Variants in GPBP1 observed in about 807,000 individuals in gnomAD.
The protein encoded by GPBP1 is GC-rich promoter binding protein 1, also known as vasculin.
GPBP1 carries 13 observed loss-of-function variants against 56.5 expected under a neutral mutation model. The observed-to-expected ratio is 0.23, with a 90% CI of 0.15 to 0.37. The LOEUF (loss-of-function observed/expected upper bound fraction) is 0.37. Among genes scored for constraint, GPBP1 ranks in the 10% least tolerant of loss-of-function variants. The probability of loss-of-function intolerance (pLI) is 1.00; values close to 1 mark genes in which losing one functional copy is unlikely to be tolerated. For missense variants in GPBP1, 477 were observed against 572.3 expected (o/e 0.83, Z 1.70); for synonymous variants, 204 against 188.9 (o/e 1.08, Z -0.66).
chr5:57,263,633 A>G lies in GPBP1; in HGVS notation c.*881A>G, dbSNP rs1281379526. On this transcript the variant is annotated 3_prime_UTR_variant, in exon 12 of 12. Transcript: ENST00000506184. ...CAAGGTATTGTTTCTAAACATAAAC[A>G]TACTCTAAACATGCTTTATTCACTT... The G allele has an allele frequency of 2.6e-5, 4 of 152,210 alleles. No homozygotes were observed. The highest frequency in any genetic ancestry group is 2.9e-5 in the Non-Finnish European group (2 of 68,024). 9.4% of individuals were successfully genotyped at this position (152,210 alleles called of 1,614,324 possible).
intron 3 of GPBP1, among the ~76,000 whole-genome samples, chr5:57,220,742 G>C (rs537170546): frequency 3.3e-5 from 5 of 152,106 alleles, no homozygotes; most frequent in African/African-American, 7.2e-5. Flanking sequence ...TTACAGGCAC[G>C]AGCCACTGCA....
intron 2 of GPBP1, among the ~76,000 whole-genome samples, chr5:57,213,471 CTTT>C (rs138933215): frequency 6.9e-6 from 1 of 144,880 alleles, no homozygotes; most frequent in Non-Finnish European, 1.5e-5. Context: ...TCATAATTTT[CTTT>C]TTTTTTTTTT....
intron 2 of GPBP1, among the ~76,000 whole-genome samples, chr5:57,188,222 C>T (rs141072988): frequency 0.016 from 2,319 of 146,374 alleles, 137 homozygotes; most frequent in East Asian, 0.097. Context: ...CTAGGCTGGG[C>T]GACAGAATGA....
chr5:57,204,316 C>A (rs1004653257), intron 2 of GPBP1, among the ~76,000 whole-genome samples: 2 of 151,924 alleles, frequency 1.3e-5, no homozygotes, highest in African/African-American at 4.8e-5. Context: ...GTGGCTCAAT[C>A]TTGGCTTACT....
chr5:57,260,677 T>C (rs183642916), intron 10 of GPBP1, among the ~76,000 whole-genome samples: 1 of 152,298 alleles, frequency 6.6e-6, no homozygotes, highest in African/African-American at 2.4e-5. Context: ...ACAGAAGTAC[T>C]TAGGGGTTTC....
Position 57,263,636 on chromosome 5 carries a change from C to A in GPBP1, c.*884C>A, listed in dbSNP as rs935493933. 5.3e-5 allele frequency: 8 copies of A among 152,096 alleles called. No individual in the cohort carries two copies. Among genetic ancestry groups the A allele is most frequent in the African/African-American group, 1.9e-4 (8 of 41,422 alleles). The allele number at this position is 152,096 out of a possible 1,614,324, so 9.4% of individuals were successfully genotyped here. On this transcript the variant is annotated 3_prime_UTR_variant, in exon 12 of 12. Transcript: ENST00000506184. ...GGTATTGTTTCTAAACATAAACATA[C>A]TCTAAACATGCTTTATTCACTTGTT...
intron 8 of GPBP1, 50 bp from the exon 9 acceptor site, chr5:57,249,359 C>T (rs1330958293): frequency 2.1e-6 from 3 of 1,396,732 alleles, no homozygotes; most frequent in Non-Finnish European, 2.9e-6. Context: ...TTTATGTTGA[C>T]ATTGATTCCT....
At chr5:57,223,544 C>T (rs1234165792) in intron 3 of GPBP1, among the ~76,000 whole-genome samples, 2 of 152,122 alleles carry the variant, frequency 1.3e-5, no homozygotes, top group East Asian at 3.9e-4. Context: ...TGCTCTCTAC[C>T]ATCCACAGAC....
chr5:57,186,369 G>T (rs1754285374), intron 2 of GPBP1, among the ~76,000 whole-genome samples: 1 of 150,586 alleles, frequency 6.6e-6, no homozygotes, highest in South Asian at 2.1e-4. Flanking sequence ...CTGGGTGACA[G>T]AGCGGGACCT....
intron 2 of GPBP1, among the ~76,000 whole-genome samples, chr5:57,202,578 C>T (rs758386117): frequency 4.6e-5 from 7 of 152,232 alleles, no homozygotes; most frequent in Non-Finnish European, 7.4e-5. Context: ...CATGAGCCAC[C>T]GTGCCCAGCA....
At chr5:57,236,797 A>G (rs529613412) in intron 6 of GPBP1, among the ~76,000 whole-genome samples, 43 of 152,314 alleles carry the variant, frequency 2.8e-4, no homozygotes, top group Non-Finnish European at 3.7e-4. Flanking sequence ...GAGGTGCTCA[A>G]TCCATGTTGG....
At chr5:57,212,462 AT>A (rs1755529506) in intron 2 of GPBP1, among the ~76,000 whole-genome samples, 1 of 152,074 alleles carries the variant, frequency 6.6e-6, no homozygotes, top group African/African-American at 2.4e-5. Flanking sequence ...TGTGCAGTAT[AT>A]TTTGGTTAGA....
chr5:57,256,211 C>T lies in GPBP1; in HGVS notation c.1161-4969C>T, dbSNP rs996587064. On this transcript the variant is annotated intron_variant, in intron 10 of 11. Transcript: ENST00000506184. ...GTGAGGTGGCAGTGAGCTGAGATCG[C>T]ACCACTGAACTCTAGCCTGGACGGC... 1.2e-4 allele frequency among the ~76,000 whole-genome samples: 19 copies of T among 152,108 alleles called. 1 individual carries two copies. Among genetic ancestry groups the T allele is most frequent in the Admixed American group, 5.2e-4 (8 of 15,274 alleles).
chr5:57,261,100 G>A (rs1741876233), intron 10 of GPBP1, 80 bp from the exon 11 acceptor site: 2 of 906,562 alleles, frequency 2.2e-6, no homozygotes, highest in Non-Finnish European at 3.6e-6. Flanking sequence ...GGTGGATCAT[G>A]TTTTCTTATA....
At chr5:57,197,360 C>CTTTTTT (rs34110209) in intron 2 of GPBP1, among the ~76,000 whole-genome samples, 2 of 119,878 alleles carry the variant, frequency 1.7e-5, no homozygotes, top group African/African-American at 3.3e-5. Flanking sequence ...TATCATTTTG[C>CTTTTTT]TTTTTTTTTT....
chr5:57,257,399 C>G (rs935316785), intron 10 of GPBP1, among the ~76,000 whole-genome samples: 1 of 152,122 alleles, frequency 6.6e-6, no homozygotes, highest in Non-Finnish European at 1.5e-5. Flanking sequence ...AATACTAAGG[C>G]ACATAGATCA....
intron 6 of GPBP1, among the ~76,000 whole-genome samples, chr5:57,244,669 T>C (rs1239068400): frequency 1.3e-5 from 2 of 152,096 alleles, no homozygotes; most frequent in Non-Finnish European, 2.9e-5. Context: ...CCAAAAATAA[T>C]TGGAAATCTT....
chr5:57,201,048 T>G (rs1248084123), intron 2 of GPBP1, among the ~76,000 whole-genome samples: 1 of 151,982 alleles, frequency 6.6e-6, no homozygotes, highest in East Asian at 1.9e-4. Flanking sequence ...GGTCTTGAAC[T>G]CCTGATCTCG....
chr5:57,196,003 AAAATT>A (rs1399596580), intron 2 of GPBP1, among the ~76,000 whole-genome samples: 9 of 121,378 alleles, frequency 7.4e-5, no homozygotes, highest in Non-Finnish European at 8.9e-5. Flanking sequence ...AAAAAAAAAA[AAAATT>A]TTTTTTTTTT....
Sources: gnomAD v4.1 joint callset for allele counts (sites outside exome capture counted in the v4.1 genomes callset) on GRCh38, gnomAD v4.1.1 for gene constraint, MANE v1.5 for transcripts, NCBI Gene and HGNC (gene_info 2026-07-23, HGNC 2026-07-21) for gene names.